Variants in FOXN2 observed in about 807,000 individuals in gnomAD.
The protein encoded by FOXN2 is forkhead box protein N2.
FOXN2 carries 19 observed loss-of-function variants against 41.2 expected under a neutral mutation model. The observed-to-expected ratio is 0.46, with a 90% CI of 0.32 to 0.68. The LOEUF (loss-of-function observed/expected upper bound fraction) is 0.68, where lower values mean the gene tolerates loss of function less well. Among genes scored for constraint, FOXN2 ranks in the 30% least tolerant of loss-of-function variants. The pLI is 0.03. For synonymous variants in FOXN2, 195 were observed against 176.8 expected (o/e 1.10, Z -0.82); for missense variants, 587 against 509.4 (o/e 1.15, Z -1.47).
intron 1 of FOXN2, among the ~76,000 whole-genome samples, chr2:48,315,259 C>T (rs867590360): frequency 2.0e-5 from 3 of 152,162 alleles, no homozygotes; most frequent in Non-Finnish European, 2.9e-5. Context: ...AACGCCCCCT[C>T]CTCTGGCTTG....
upstream of FOXN2, chr2:48,314,594 C>A (rs987656071): frequency 6.6e-6 from 1 of 152,218 alleles, no homozygotes; most frequent in African/African-American, 2.4e-5. Context: ...GGGCTAATCG[C>A]CTTGGCGCCG....
chr2:48,353,651 C>G (rs1042869931), intron 3 of FOXN2, among the ~76,000 whole-genome samples: 10 of 150,794 alleles, frequency 6.6e-5, no homozygotes, highest in Non-Finnish European at 1.2e-4. Context: ...CTTTTAAAAG[C>G]TCAGCATCTT....
chr2:48,341,895 T>TA (rs1337293508), intron 2 of FOXN2, among the ~76,000 whole-genome samples: 1 of 152,210 alleles, frequency 6.6e-6, no homozygotes, highest in Non-Finnish European at 1.5e-5. Flanking sequence ...TAATTCGTGT[T>TA]ATGGAAAAGG....
chr2:48,340,756 A>G (rs1670706533), intron 2 of FOXN2: 1 of 152,224 alleles, frequency 6.6e-6, no homozygotes, highest in Non-Finnish European at 1.5e-5. Context: ...GGTATTGGGA[A>G]AAGTTTCCAA....
At chr2:48,345,770 A>G (rs62137008) in intron 2 of FOXN2, among the ~76,000 whole-genome samples, 48,285 of 151,948 alleles carry the variant, frequency 0.32, 8,383 homozygotes, top group East Asian at 0.52. Context: ...AATATTTCAA[A>G]TTTATTATTT....
intron 5 of FOXN2, among the ~76,000 whole-genome samples, chr2:48,368,832 T>C (rs1409426188): frequency 6.6e-6 from 1 of 152,272 alleles, no homozygotes; most frequent in East Asian, 1.9e-4. Context: ...AGGTGTTCTC[T>C]ATTATGATGG....
intron 5 of FOXN2, 53 bp downstream of exon 5, chr2:48,362,760 C>T: frequency 3.5e-6 from 5 of 1,439,782 alleles, no homozygotes; most frequent in East Asian, 2.3e-5. Flanking sequence ...TTTTGGTCAA[C>T]AACAGGCAGT....
intron 2 of FOXN2, among the ~76,000 whole-genome samples, chr2:48,333,200 T>C (rs1270713071): frequency 2.6e-5 from 4 of 152,120 alleles, no homozygotes; most frequent in Non-Finnish European, 5.9e-5. Flanking sequence ...GCAAGAAGTT[T>C]CTGATTTGAA....
At chr2:48,356,117 C>CT (rs1317623651) in intron 3 of FOXN2, among the ~76,000 whole-genome samples, 1 of 151,172 alleles carries the variant, frequency 6.6e-6, no homozygotes, top group African/African-American at 2.4e-5. Flanking sequence ...GAGCAAGACT[C>CT]TGTCTCCAAT....
At chr2:48,353,587 TGTGTGTGTGTGTGTGTGTGA>T (rs1387190688) in intron 3 of FOXN2, among the ~76,000 whole-genome samples, 2 of 147,926 alleles carry the variant, frequency 1.4e-5, no homozygotes, top group Non-Finnish European at 1.5e-5. Flanking sequence ...TGTGTGTGTG[TGTGTGTGTGTGTGTGTGTGA>T]AAGAGAAAGG....
At chr2:48,322,047 C>G (rs939406226) in intron 1 of FOXN2, among the ~76,000 whole-genome samples, 4 of 152,310 alleles carry the variant, frequency 2.6e-5, no homozygotes, top group Admixed American at 1.3e-4. Flanking sequence ...CTTCGAGGTT[C>G]AAGCAATTCT....
chr2:48,359,077 G>T lies in FOXN2; in HGVS notation c.568G>T (p.Asp190Tyr). Residue 190 changes from aspartate to tyrosine, a missense_variant, in exon 4 of 7, where the codon GAT becomes TAT. Asp to Tyr is a radical substitution (Grantham distance 160, BLOSUM62 -3). Coordinates refer to ENST00000340553, the MANE Select transcript of FOXN2 (RefSeq NM_002158.4). ...VNGKGSLWCV[D>Y]PEYKPNLIQA... ...TGGAAAAGGTTCCTTATGGTGTGTT[G>T]ATCCGGAATATAAACCCAATCTTAT... The T allele has an allele frequency of 1.2e-6, 2 of 1,613,506 alleles. No individual in the cohort carries two copies. Among genetic ancestry groups the T allele is most frequent in the South Asian group, 2.2e-5 (2 of 91,026 alleles).
At chr2:48,340,849 C>T (rs1426181081) in intron 2 of FOXN2, 2 of 152,152 alleles carry the variant, frequency 1.3e-5, no homozygotes, top group Admixed American at 1.3e-4. Context: ...TTTTAAAATT[C>T]TCCTCGTGAA....
At chr2:48,319,518 C>G (rs770965303) in intron 1 of FOXN2, among the ~76,000 whole-genome samples, 2 of 151,734 alleles carry the variant, frequency 1.3e-5, no homozygotes, top group Non-Finnish European at 2.9e-5. Flanking sequence ...ACAAAACACT[C>G]TTAATTTGAA....
At chr2:48,315,238 G>A (rs968238493) in intron 1 of FOXN2, among the ~76,000 whole-genome samples, 14 of 152,082 alleles carry the variant, frequency 9.2e-5, no homozygotes, top group Non-Finnish European at 5.9e-5. Flanking sequence ...CAAGCACCTC[G>A]GAGCCTTTGC....
At chr2:48,347,877 A>G (rs543351680) in intron 3 of FOXN2, among the ~76,000 whole-genome samples, 3 of 152,258 alleles carry the variant, frequency 2.0e-5, no homozygotes, top group African/African-American at 4.8e-5. Context: ...TATTTTAAAG[A>G]TGATTTATTG....
At chr2:48,334,934 AC>A (rs1249555979) in intron 2 of FOXN2, among the ~76,000 whole-genome samples, 1 of 152,224 alleles carries the variant, frequency 6.6e-6, no homozygotes, top group Admixed American at 6.5e-5. Context: ...ACCAGCTCTC[AC>A]ACTAGTTTGC....
rs976240034 is a variant in FOXN2, at chr2:48,376,585, A to C, written c.*1142A>C. On this transcript the variant is annotated 3_prime_UTR_variant, in exon 7 of 7. Coordinates refer to ENST00000340553, the MANE Select transcript of FOXN2 (RefSeq NM_002158.4). ...ATGCAATACACCTTTTTGAGGAGGC[A>C]GTGTAACAACCTATAGTGCCATTGA... is the stretch of plus-strand genomic sequence containing the variant. The C allele has an allele frequency of 2.6e-5, 4 of 152,538 alleles. No homozygotes were observed. Among genetic ancestry groups the C allele is most frequent in the African/African-American group, 9.6e-5 (4 of 41,458 alleles). The allele number at this position is 152,538 out of a possible 1,614,324, so 9.4% of individuals were successfully genotyped here. A position where few individuals can be genotyped will look rare whatever the true frequency, so the allele number is the denominator to read the frequency against.
At chr2:48,357,253 T>A (rs1671854803) in intron 3 of FOXN2, among the ~76,000 whole-genome samples, 1 of 152,152 alleles carries the variant, frequency 6.6e-6, no homozygotes, top group Non-Finnish European at 1.5e-5. Flanking sequence ...AATTTGCTAT[T>A]TCAAGGAAAT....
Sources: gnomAD v4.1 joint callset for allele counts (sites outside exome capture counted in the v4.1 genomes callset) on GRCh38, gnomAD v4.1.1 for gene constraint, MANE v1.5 for transcripts, NCBI Gene and HGNC (gene_info 2026-07-23, HGNC 2026-07-21) for gene names.